Variants in MYO1B observed in about 807,000 individuals in gnomAD.
The protein encoded by MYO1B is unconventional myosin-Ib.
In MYO1B, 72 loss-of-function variants were observed where a neutral mutation model predicts 159.7. The ratio of observed to expected loss-of-function variants is 0.45; its 90% confidence interval spans 0.37 to 0.55. The LOEUF (loss-of-function observed/expected upper bound fraction) is 0.55, where lower values mean the gene tolerates loss of function less well. Ranked by LOEUF, MYO1B falls within the 20% of genes least tolerant of loss-of-function variation. The pLI, the probability that MYO1B is intolerant of heterozygous loss-of-function variation, is 0.00. For missense variants in MYO1B, 1,062 were observed against 1,364.8 expected, an observed-to-expected ratio of 0.78 and a Z score of 3.50; for synonymous variants, 468 against 473.8, an observed-to-expected ratio of 0.99 and a Z score of 0.16.
rs1203127344 is a variant in MYO1B, at chr2:191,301,964, G to A, written c.251+5738G>A. ...CAGTTCCTTTAGTGTAGTGTTCAAG[G>A]CCCTTTACAGTCCAGCTTTAGCTGT... On this transcript the variant is annotated intron_variant, in intron 3 of 30. Coordinates refer to ENST00000392318, the MANE Select transcript of MYO1B (RefSeq NM_001130158.3). 8.5e-5 allele frequency among the ~76,000 whole-genome samples: 13 copies of A among 152,236 alleles called. No individual in the cohort carries two copies. The East Asian group carries it at 2.5e-3, about 29-fold the overall frequency.
At chr2:191,423,442 T>G (rs1698069772) in intron 30 of MYO1B, among the ~76,000 whole-genome samples, 1 of 152,174 alleles carries the variant, frequency 6.6e-6, no homozygotes, top group Non-Finnish European at 1.5e-5. Flanking sequence ...TTAGGTATGT[T>G]TACATCAGTC....
At chr2:191,336,800 A>C (rs560972788) in intron 4 of MYO1B, among the ~76,000 whole-genome samples, 4 of 152,266 alleles carry the variant, frequency 2.6e-5, no homozygotes, top group African/African-American at 9.6e-5. Context: ...CTTTAGCCCT[A>C]AACTCTGGTC....
chr2:191,368,575 A>G (rs1431649390), intron 11 of MYO1B, among the ~76,000 whole-genome samples: 2 of 152,222 alleles, frequency 1.3e-5, no homozygotes, highest in Non-Finnish European at 2.9e-5. Flanking sequence ...CTCTTTGTCA[A>G]GTAGTTCTGA....
At chr2:191,392,644 A>C (rs1695826839) in intron 19 of MYO1B, among the ~76,000 whole-genome samples, 1 of 152,192 alleles carries the variant, frequency 6.6e-6, no homozygotes, top group Non-Finnish European at 1.5e-5. Flanking sequence ...ACCCCAAGGA[A>C]ATTTTTTTGT....
intron 5 of MYO1B, among the ~76,000 whole-genome samples, chr2:191,345,451 G>A (rs113563205): frequency 2.6e-5 from 4 of 152,214 alleles, no homozygotes; most frequent in Admixed American, 1.3e-4. Context: ...CTATGACTCC[G>A]TGCTGTTCCC....
At chr2:191,353,791 T>C (rs991540363) in intron 7 of MYO1B, among the ~76,000 whole-genome samples, 1 of 152,238 alleles carries the variant, frequency 6.6e-6, no homozygotes. Flanking sequence ...ATAAATTATG[T>C]ATTAGTATCT....
chr2:191,359,318 T>TTTTC (rs1254576244), intron 7 of MYO1B, among the ~76,000 whole-genome samples: 1 of 151,218 alleles, frequency 6.6e-6, no homozygotes, highest in Non-Finnish European at 1.5e-5. Context: ...TGGGGTTTTT[T>TTTTC]TTTTTTTTCA....
intron 13 of MYO1B, among the ~76,000 whole-genome samples, chr2:191,376,871 A>G (rs7590099): frequency 0.063 from 9,555 of 152,262 alleles, 1,009 homozygotes; most frequent in African/African-American, 0.22. Context: ...TTCCTTAAAG[A>G]GTATAAAATA....
At chr2:191,319,524 T>G (rs1212802484) in intron 3 of MYO1B, among the ~76,000 whole-genome samples, 1 of 152,172 alleles carries the variant, frequency 6.6e-6, no homozygotes. Context: ...TTGTTTTCTA[T>G]TTGAAAGTCT....
At chr2:191,417,956 T>C (rs2126187882) in intron 30 of MYO1B, among the ~76,000 whole-genome samples, 1 of 152,348 alleles carries the variant, frequency 6.6e-6, no homozygotes, top group Middle Eastern at 3.4e-3. Flanking sequence ...CCCTGCCCTG[T>C]CACAGAGGGC....
At position 191,362,350 on chromosome 2, in the gene MYO1B, A is replaced by G; in HGVS notation, c.744A>G (p.Ala248=). ...DSAKVNGVDD[A]ANFRTVRNAM... is the part of the protein sequence containing the mutation. Reference sequence around the variant, plus strand: ...CCAAAGTGAATGGAGTGGATGATGCAGCAAATTTTAGAACCGTGCGGGTAA... The same window carrying G: ...CCAAAGTGAATGGAGTGGATGATGCGGCAAATTTTAGAACCGTGCGGGTAA... Residue 248 remains alanine (A), a synonymous_variant, in exon 9 of 31, where the codon GCA becomes GCG. Transcript: ENST00000392318. 6.2e-7 allele frequency: 1 copy of G among 1,613,794 alleles called. No homozygotes were observed. The highest frequency in any genetic ancestry group is 1.1e-5 in the South Asian group (1 of 91,052).
intron 17 of MYO1B, chr2:191,387,903 C>G (rs1695489594): frequency 5.2e-6 from 1 of 194,102 alleles, no homozygotes; most frequent in African/African-American, 2.4e-5. Flanking sequence ...GAGACATGCA[C>G]TTTTTTCTTC....
intron 8 of MYO1B, 36 bp downstream of exon 8, chr2:191,360,765 G>GTTGTTA: frequency 7.9e-7 from 1 of 1,269,246 alleles, no homozygotes. Context: ...TGTTGTTGTT[G>GTTGTTA]TTGTTGTTGT....
At position 191,247,552 on chromosome 2, in the gene MYO1B, C is replaced by T. The variant is rs80080389; in HGVS notation, c.-10+1926C>T. ...ATGTGAAGTTGAAATGGGATGGTGT[C>T]CAACTGTCAAGCTGTTTGTCATTAG... On this transcript the variant is annotated intron_variant, in intron 1 of 30. Transcript: ENST00000392318. 8.5e-5 allele frequency among the ~76,000 whole-genome samples: 13 copies of T among 152,240 alleles called. No individual in the cohort carries two copies. The East Asian group carries it at 2.5e-3, about 29-fold the overall frequency.
At chr2:191,267,182 G>A (rs1209872867) in intron 1 of MYO1B, among the ~76,000 whole-genome samples, 1 of 152,002 alleles carries the variant, frequency 6.6e-6, no homozygotes, top group Non-Finnish European at 1.5e-5. Context: ...AGCTTTTTAA[G>A]GTTGGAGTCA....
intron 2 of MYO1B, among the ~76,000 whole-genome samples, chr2:191,284,492 T>C (rs929515998): frequency 6.6e-6 from 1 of 152,158 alleles, no homozygotes. Flanking sequence ...GTGGTACTTA[T>C]CTTGTTGAGT....
intron 8 of MYO1B, 132 bp from the exon 9 acceptor site, chr2:191,362,136 A>G (rs1693708782): frequency 3.2e-6 from 2 of 630,534 alleles, no homozygotes; most frequent in African/African-American, 1.8e-5. Context: ...TTTGGGTATA[A>G]TTTGTGTTCT....
At chr2:191,262,732 C>T (rs532115949) in intron 1 of MYO1B, among the ~76,000 whole-genome samples, 65 of 152,248 alleles carry the variant, frequency 4.3e-4, no homozygotes, top group African/African-American at 1.4e-3. Flanking sequence ...GCTCCTATAC[C>T]GGCCGTCCTC....
Position 191,370,502 on chromosome 2 carries a change from A to AGTGT in MYO1B, c.1185+232_1185+235dup, listed in dbSNP as rs58911860. 1.3e-3 allele frequency among the ~76,000 whole-genome samples: 189 copies of AGTGT among 148,118 alleles called. 1 individual carries two copies. Among genetic ancestry groups the AGTGT allele is most frequent in the Admixed American group, 4.0e-3 (59 of 14,808 alleles). On this transcript the variant is annotated intron_variant, in intron 13 of 30. Transcript: ENST00000392318. Reference sequence around the variant, plus strand: ...TTGTGTATTCCTGCATGTGTGCCTGAGTGTGTGTGTGTGTGTGTGTGTGTG... The same window carrying AGTGT: ...TTGTGTATTCCTGCATGTGTGCCTGAGTGTGTGTGTGTGTGTGTGTGTGTGTGTG...
Sources: gnomAD v4.1 joint callset for allele counts (sites outside exome capture counted in the v4.1 genomes callset) on GRCh38, gnomAD v4.1.1 for gene constraint, MANE v1.5 for transcripts, NCBI Gene and HGNC (gene_info 2026-07-23, HGNC 2026-07-21) for gene names.